The following ST3GAL1 variants were observed in gnomAD, a reference collection of about 807,000 sequenced individuals.
The protein encoded by ST3GAL1 is ST3 beta-galactoside alpha-2,3-sialyltransferase 1, also known as CMP-N-acetylneuraminate-beta-galactosamide-alpha-2,3-sialyltransferase 1.
Under a neutral mutation model 34.1 loss-of-function variants are expected in ST3GAL1, and 16 were observed. That is an observed-to-expected ratio of 0.47 (90% confidence interval 0.32 to 0.71). ST3GAL1 has a LOEUF of 0.71. ST3GAL1 is among the 30% of genes least tolerant of loss of function. The pLI, the probability that ST3GAL1 is intolerant of heterozygous loss-of-function variation, is 0.04. For synonymous variants in ST3GAL1, 191 were observed against 184.7 expected, an observed-to-expected ratio of 1.03 and a Z score of -0.28; for missense variants, 353 against 447.4, an observed-to-expected ratio of 0.79 and a Z score of 1.90.
At chr8:133,498,572 G>T (rs1292587465) in intron 3 of ST3GAL1, among the ~76,000 whole-genome samples, 3 of 152,260 alleles carry the variant, frequency 2.0e-5, no homozygotes, top group African/African-American at 7.2e-5. Context: ...TCAAAGAAGG[G>T]AAGGTAGAAC....
chr8:133,562,058 C>A (rs1402474807), intron 1 of ST3GAL1, among the ~76,000 whole-genome samples: 1 of 151,666 alleles, frequency 6.6e-6, no homozygotes, highest in African/African-American at 2.4e-5. Flanking sequence ...CCAGCCCAGG[C>A]AACAGAGCAA....
intron 1 of ST3GAL1, among the ~76,000 whole-genome samples, chr8:133,553,963 A>G (rs543709413): frequency 4.6e-5 from 7 of 152,210 alleles, no homozygotes; most frequent in South Asian, 4.2e-4. Context: ...CACAAGGGAG[A>G]AGAGTACAGG....
At chr8:133,471,978 G>A (rs1033410296) in intron 5 of ST3GAL1, among the ~76,000 whole-genome samples, 4 of 151,930 alleles carry the variant, frequency 2.6e-5, no homozygotes, top group Admixed American at 1.3e-4. Flanking sequence ...AGTAGAGAAG[G>A]CAGAGTCAGC....
chr8:133,490,418 G>C (rs1172142456), intron 3 of ST3GAL1, among the ~76,000 whole-genome samples: 1 of 152,242 alleles, frequency 6.6e-6, no homozygotes, highest in East Asian at 1.9e-4. Context: ...GCCGGCTCCA[G>C]GATCTAGCCC....
rs1819549064 is a variant in ST3GAL1 at position 133,570,894 on chromosome 8, T to A, written c.-582+799A>T. 6.6e-6 allele frequency among the ~76,000 whole-genome samples: 1 copy of A among 152,184 alleles called. No homozygotes were observed. Among genetic ancestry groups the A allele is most frequent in the African/African-American group, 2.4e-5 (1 of 41,462 alleles). On this transcript the variant is annotated intron_variant, in intron 1 of 9. Coordinates refer to ENST00000522652, the MANE Select transcript of ST3GAL1 (RefSeq NM_173344.3). The surrounding 1 kb of genome is among the most constrained non-coding windows in gnomAD (Gnocchi z 5.6). ...AGGCAAGTTGCTAACTTTTGTCAGA[T>A]TATTTCTTGGGAGCTGCGACGCCTC...
At chr8:133,554,061 G>A (rs532887454) in intron 1 of ST3GAL1, among the ~76,000 whole-genome samples, 17 of 152,262 alleles carry the variant, frequency 1.1e-4, no homozygotes, top group African/African-American at 3.9e-4. Context: ...CCCAATCAGG[G>A]CTGTATAGCG....
chr8:133,487,723 CT>C (rs1816658704), intron 3 of ST3GAL1, among the ~76,000 whole-genome samples: 1 of 151,920 alleles, frequency 6.6e-6, no homozygotes, highest in African/African-American at 2.4e-5. Flanking sequence ...AATCCCAGCA[CT>C]TTGGGAGGCT....
At chr8:133,472,957 C>T (rs774627709) in intron 5 of ST3GAL1, among the ~76,000 whole-genome samples, 9 of 152,082 alleles carry the variant, frequency 5.9e-5, no homozygotes, top group Non-Finnish European at 1.2e-4. Context: ...TGTAGAGAAC[C>T]TGGTGAAGTA....
chr8:133,465,027 G>T (rs549722890), intron 6 of ST3GAL1, 70 bp from the exon 7 acceptor site: 19 of 1,496,274 alleles, frequency 1.3e-5, no homozygotes, highest in Non-Finnish European at 1.5e-5. Flanking sequence ...TGAGAGCTCC[G>T]AGAGAGTGAG....
chr8:133,484,653 G>A (rs1246669067), intron 3 of ST3GAL1, among the ~76,000 whole-genome samples: 2 of 152,174 alleles, frequency 1.3e-5, no homozygotes, highest in African/African-American at 4.8e-5. Context: ...TTACAAGGGA[G>A]TGTGTCTGAC....
chr8:133,523,165 T>G (rs1225299981), intron 2 of ST3GAL1, among the ~76,000 whole-genome samples: 1 of 152,112 alleles, frequency 6.6e-6, no homozygotes, highest in Non-Finnish European at 1.5e-5. Flanking sequence ...AGAGGGGAGT[T>G]GCGTGGCTTC....
intron 2 of ST3GAL1, among the ~76,000 whole-genome samples, chr8:133,524,608 G>A (rs1487233938): frequency 1.3e-5 from 2 of 152,276 alleles, no homozygotes; most frequent in East Asian, 3.8e-4. Flanking sequence ...AAGCAGCAAG[G>A]GGTGTGTGGG....
At position 133,556,015 on chromosome 8, in the gene ST3GAL1, T is replaced by C. The variant is rs995258066; in HGVS notation, c.-581-10089A>G. On this transcript the variant is annotated intron_variant, in intron 1 of 9. Coordinates refer to ENST00000522652, the MANE Select transcript of ST3GAL1 (RefSeq NM_173344.3). This position sits in a 1 kb window ranked among gnomAD's most constrained non-coding sequence, Gnocchi z 8.9. ...TTCAAGCAATTCTCGTGCCTCAGCCTCCCGCGTAGCTGGGATTACAGGCAC... is the reference window on the plus strand; with the variant it reads ...TTCAAGCAATTCTCGTGCCTCAGCCCCCCGCGTAGCTGGGATTACAGGCAC... Among the ~76,000 whole-genome samples, 1 of 152,170 alleles carries C rather than the reference T, an allele frequency of 6.6e-6. No individual in the cohort carries two copies. The highest frequency in any genetic ancestry group is 2.4e-5 in the African/African-American group (1 of 41,428).
chr8:133,548,775 C>G (rs1477079852), intron 1 of ST3GAL1, among the ~76,000 whole-genome samples: 2 of 152,204 alleles, frequency 1.3e-5, no homozygotes, highest in Admixed American at 6.5e-5. Context: ...CTGTTGGTTG[C>G]TCTCACTAGA....
At position 133,540,724 on chromosome 8, in the gene ST3GAL1, T is replaced by G. The variant is rs1814915; in HGVS notation, c.-429+5050A>C. On this transcript the variant is annotated intron_variant, in intron 2 of 9. Transcript: ENST00000522652. ...ATATATATACAGACATATATATATA[T>G]AGACATATATATATATATAGACATA... Among the ~76,000 whole-genome samples, 12 of 96,288 alleles carry G rather than the reference T, an allele frequency of 1.2e-4. No homozygotes were observed. The East Asian group carries it at 1.5e-3, about 12-fold the overall frequency. The allele number at this position is 96,288 out of a possible 152,430, so 63.2% of individuals were successfully genotyped here.
chr8:133,555,353 C>T (rs541747874), intron 1 of ST3GAL1, among the ~76,000 whole-genome samples: 5 of 152,270 alleles, frequency 3.3e-5, no homozygotes, highest in South Asian at 2.1e-4. Context: ...CCACCAGGCT[C>T]GTAATCTCCA....
intron 1 of ST3GAL1, among the ~76,000 whole-genome samples, chr8:133,561,899 T>C (rs1819234936): frequency 6.6e-6 from 1 of 152,052 alleles, no homozygotes; most frequent in Non-Finnish European, 1.5e-5. Flanking sequence ...ACGACTGTGA[T>C]AGAACTGCAA....
In ST3GAL1 at chr8:133,477,341, A is replaced by G. The variant is rs528864347; in HGVS notation, c.-373-741T>C. Among the ~76,000 whole-genome samples the G allele has an allele frequency of 5.9e-5, 9 of 152,360 alleles. 1 individual carries two copies. The South Asian group carries it at 1.9e-3, about 32-fold the overall frequency. Reference sequence around the variant, plus strand: ...CTCTGATGATCCACTAAGAGCTGAGAGGATGAGATATTCATGCATACGTAT... The same window carrying G: ...CTCTGATGATCCACTAAGAGCTGAGGGGATGAGATATTCATGCATACGTAT... On this transcript the variant is annotated intron_variant, in intron 3 of 9. Coordinates refer to ENST00000522652, the MANE Select transcript of ST3GAL1 (RefSeq NM_173344.3).
At chr8:133,501,307 A>G (rs1198617827) in intron 2 of ST3GAL1, among the ~76,000 whole-genome samples, 1 of 152,204 alleles carries the variant, frequency 6.6e-6, no homozygotes, top group Non-Finnish European at 1.5e-5. Flanking sequence ...AGACACAGGC[A>G]GCTAGAGTAA....
Sources: allele counts gnomAD v4.1 joint callset (sites outside exome capture counted in the v4.1 genomes callset), GRCh38; gene constraint gnomAD v4.1.1; non-coding constraint Gnocchi (gnomAD v3.1); transcripts MANE v1.5; gene names NCBI Gene and HGNC (gene_info 2026-07-23, HGNC 2026-07-21).